The following TBXAS1 variants were observed in gnomAD, a reference collection of about 807,000 sequenced individuals.
The protein encoded by TBXAS1 is thromboxane A synthase 1, also known as thromboxane-A synthase.
Under a neutral mutation model 60.7 loss-of-function variants are expected in TBXAS1, and 48 were observed. The ratio of observed to expected loss-of-function variants is 0.79; its 90% CI spans 0.63 to 1.01. The LOEUF (loss-of-function observed/expected upper bound fraction) is 1.01, where lower values mean the gene tolerates loss of function less well. Among genes scored for constraint, TBXAS1 ranks in the 50% least tolerant of loss-of-function variants. The pLI, the probability that TBXAS1 is intolerant of heterozygous loss-of-function variation, is 0.00. For synonymous variants in TBXAS1, 287 were observed against 269.7 expected (o/e 1.06, Z -0.63); for missense variants, 685 against 686.3 (o/e 1.00, Z 0.02).
chr7:140,006,768 A>G (rs976858885), intron 9 of TBXAS1, among the ~76,000 whole-genome samples: 2 of 152,226 alleles, frequency 1.3e-5, no homozygotes, highest in African/African-American at 4.8e-5. Flanking sequence ...CAAATGCGGT[A>G]ACGTCTATGC....
chr7:139,952,014 A>AAAGAAAGAAAGAAAGAGAG (rs1569518460), intron 5 of TBXAS1, among the ~76,000 whole-genome samples: 2 of 40,080 alleles, frequency 5.0e-5, no homozygotes, highest in African/African-American at 1.8e-4. Flanking sequence ...AAGAAAGAAA[A>AAAGAAAGAAAGAAAGAGAG]AGAAAGGAAG....
At chr7:139,830,151 C>G (rs996623618) in intron 1 of TBXAS1, among the ~76,000 whole-genome samples, 1 of 152,096 alleles carries the variant, frequency 6.6e-6, no homozygotes, top group Non-Finnish European at 1.5e-5. Flanking sequence ...GTCTGTAGGT[C>G]GAAGGCCTCA....
At chr7:139,879,538 TC>T (rs1802522389) in intron 3 of TBXAS1, among the ~76,000 whole-genome samples, 2 of 152,116 alleles carry the variant, frequency 1.3e-5, no homozygotes, top group Non-Finnish European at 2.9e-5. Context: ...CTTCCCAAAC[TC>T]TGTAAGAACA....
chr7:139,862,631 A>G (rs149702661), intron 1 of TBXAS1, among the ~76,000 whole-genome samples: 5 of 152,330 alleles, frequency 3.3e-5, no homozygotes, highest in African/African-American at 9.6e-5. Context: ...AAGATGGAAG[A>G]CACTGGAATA....
chr7:139,990,977 C>T (rs1032026138), intron 9 of TBXAS1, among the ~76,000 whole-genome samples: 5 of 152,068 alleles, frequency 3.3e-5, no homozygotes, highest in African/African-American at 7.2e-5. Context: ...AGCAGAGACA[C>T]GAAGACAAAA....
intron 10 of TBXAS1, among the ~76,000 whole-genome samples, chr7:140,008,219 T>C (rs897501799): frequency 3.3e-5 from 5 of 152,194 alleles, no homozygotes; most frequent in Non-Finnish European, 5.9e-5. Context: ...ATTGTAGACA[T>C]TGTCCAAATG....
At chr7:139,936,935 A>G (rs112261727) in intron 5 of TBXAS1, among the ~76,000 whole-genome samples, 16 of 152,178 alleles carry the variant, frequency 1.1e-4, no homozygotes, top group African/African-American at 2.9e-4. Context: ...CAGGCTCCAC[A>G]GGATGCTACC....
At chr7:139,927,151 C>A (rs752697758) in intron 4 of TBXAS1, among the ~76,000 whole-genome samples, 3 of 149,780 alleles carry the variant, frequency 2.0e-5, no homozygotes, top group Non-Finnish European at 4.4e-5. Context: ...TGCACCACCA[C>A]GCCCGGCTAT....
chr7:139,900,217 A>T (rs1259209869), intron 3 of TBXAS1, among the ~76,000 whole-genome samples: 1 of 152,168 alleles, frequency 6.6e-6, no homozygotes, highest in African/African-American at 2.4e-5. Context: ...ATTTCCTTTC[A>T]AATTTGTAGG....
rs1316287383 is a variant in TBXAS1, at chr7:139,999,949, G to T, written c.1135-7142G>T. On this transcript the variant is annotated intron_variant, in intron 9 of 12. Transcript: ENST00000448866. This position sits in a 1 kb window ranked among gnomAD's most constrained non-coding sequence, Gnocchi z 4.3. ...CAGGAAAAATCTTTGTGAAAGCAAT[G>T]ACATTTTTATTTTCTTTTTCTCATT... Among the ~76,000 whole-genome samples, 1 of 152,164 alleles carries T rather than the reference G, an allele frequency of 6.6e-6. No homozygotes were observed. The highest frequency in any genetic ancestry group is 2.4e-5 in the African/African-American group (1 of 41,418).
intron 4 of TBXAS1, among the ~76,000 whole-genome samples, chr7:139,932,536 CA>C (rs1807418057): frequency 6.7e-6 from 1 of 149,336 alleles, no homozygotes; most frequent in South Asian, 2.1e-4. Context: ...TTCTCAGGGT[CA>C]CAAAAAAAAA....
At chr7:139,952,820 G>A in intron 5 of TBXAS1, 3 of 934,058 alleles carry the variant, frequency 3.2e-6, no homozygotes, top group South Asian at 4.4e-5. Context: ...AGCGGCTTAA[G>A]CACAAAAGAA....
At chr7:139,854,518 A>C (rs536779940) in intron 1 of TBXAS1, among the ~76,000 whole-genome samples, 4 of 152,250 alleles carry the variant, frequency 2.6e-5, no homozygotes, top group African/African-American at 9.6e-5. Context: ...TTGGAGGATG[A>C]TAGGAGAAGC....
intron 9 of TBXAS1, among the ~76,000 whole-genome samples, chr7:139,964,096 T>A (rs906326127): frequency 1.3e-5 from 2 of 152,300 alleles, no homozygotes; most frequent in East Asian, 3.9e-4. Context: ...TTTTTTATTT[T>A]TTTTTTGAGA....
chr7:139,782,317 C>A (rs1044180699), intron 2 of TBXAS1, among the ~76,000 whole-genome samples: 10 of 151,800 alleles, frequency 6.6e-5, no homozygotes, highest in African/African-American at 1.9e-4. Flanking sequence ...GATTTAGTAA[C>A]CATTTATACC....
In TBXAS1 at chr7:140,017,837, A is replaced by G. The variant is rs1387903980; in HGVS notation, c.1527+4A>G. ...CCAAGCCTGCCCTGAGACCCAGGTG[A>G]GGCCCCCCTGCTCAGAGGCAGGGGC... On this transcript the variant is annotated splice_donor_region_variant and intron_variant, in intron 12 of 12. Coordinates refer to ENST00000448866, the MANE Select transcript of TBXAS1 (RefSeq NM_001061.7). 2 of 1,613,872 alleles carry G rather than the reference A, an allele frequency of 1.2e-6. No homozygotes were observed. The highest frequency in any genetic ancestry group is 1.7e-5 in the Admixed American group (1 of 60,022).
chr7:139,979,623 G>A (rs1403614958), intron 9 of TBXAS1, among the ~76,000 whole-genome samples: 1 of 151,862 alleles, frequency 6.6e-6, no homozygotes, highest in African/African-American at 2.4e-5. Flanking sequence ...CTACTCAGGA[G>A]GCTGAGATAG....
rs150496945 is a variant in TBXAS1, at chr7:140,007,978, A to G, written c.1226+796A>G. On this transcript the variant is annotated intron_variant, in intron 10 of 12. Coordinates refer to ENST00000448866, the MANE Select transcript of TBXAS1 (RefSeq NM_001061.7). Reference sequence around the variant, plus strand: ...TCCATAGAGAAGGGCATCTTAATTCATGTCCCCAGACCCCTACAGAGAGTG... The same window carrying G: ...TCCATAGAGAAGGGCATCTTAATTCGTGTCCCCAGACCCCTACAGAGAGTG... Among the ~76,000 whole-genome samples the G allele has an allele frequency of 7.8e-3, 1,184 of 152,284 alleles. 9 individuals carry two copies. The highest frequency in any genetic ancestry group is 0.011 in the Non-Finnish European group (729 of 68,018).
intron 4 of TBXAS1, among the ~76,000 whole-genome samples, chr7:139,923,706 T>C (rs1806667002): frequency 6.6e-6 from 1 of 152,098 alleles, no homozygotes; most frequent in South Asian, 2.1e-4. Context: ...ATTAAATTAT[T>C]ATTGACTATA....
Sources: gnomAD v4.1 joint callset for allele counts (sites outside exome capture counted in the v4.1 genomes callset) on GRCh38, gnomAD v4.1.1 for gene constraint, Gnocchi (gnomAD v3.1) non-coding constraint, MANE v1.5 for transcripts, NCBI Gene and HGNC (gene_info 2026-07-23, HGNC 2026-07-21) for gene names.